CXCL13: variants seen among roughly 807,000 people sequenced by gnomAD.
CXCL13 encodes C-X-C motif chemokine ligand 13, also known as C-X-C motif chemokine 13.
Under a neutral mutation model 12.2 loss-of-function variants are expected in CXCL13, and 7 were observed. The observed-to-expected ratio is 0.57, with a 90% CI of 0.33 to 1.07. CXCL13 has a LOEUF of 1.07. Among genes scored for constraint, CXCL13 ranks in the 50% least tolerant of loss-of-function variants. CXCL13 has a pLI of 0.04. For synonymous variants in CXCL13, 47 were observed against 42.4 expected (o/e 1.11, Z -0.42); for missense variants, 113 against 127.4 (o/e 0.89, Z 0.55).
chr4:77,549,422 T>C (rs758977653), intron 1 of CXCL13, among the ~76,000 whole-genome samples: 1 of 152,180 alleles, frequency 6.6e-6, no homozygotes, highest in Non-Finnish European at 1.5e-5. Flanking sequence ...GGTGCTCTGG[T>C]TTTTAGAATT....
chr4:77,512,045 T>C (rs1316761441), intron 1 of CXCL13, among the ~76,000 whole-genome samples: 1 of 152,186 alleles, frequency 6.6e-6, no homozygotes, highest in East Asian at 1.9e-4. Context: ...GCCTTGGTTG[T>C]ATAGTCTGTT....
At chr4:77,513,898 G>C (rs975882804) in intron 1 of CXCL13, among the ~76,000 whole-genome samples, 3 of 151,238 alleles carry the variant, frequency 2.0e-5, no homozygotes, top group African/African-American at 7.3e-5. Flanking sequence ...CTGGTGTGCT[G>C]CAACCACTAA....
At chr4:77,588,329 A>C (rs1372667422) in intron 1 of CXCL13, among the ~76,000 whole-genome samples, 3 of 152,166 alleles carry the variant, frequency 2.0e-5, no homozygotes, top group Non-Finnish European at 4.4e-5. Context: ...AAGATAAACT[A>C]TGACTAGAAA....
chr4:77,554,127 A>T (rs1433615276), intron 1 of CXCL13, among the ~76,000 whole-genome samples: 1 of 152,186 alleles, frequency 6.6e-6, no homozygotes, highest in Admixed American at 6.5e-5. Flanking sequence ...AGATTTACTC[A>T]TGAAGTTATT....
chr4:77,551,499 T>G (rs1725520710), intron 1 of CXCL13, among the ~76,000 whole-genome samples: 1 of 152,226 alleles, frequency 6.6e-6, no homozygotes, highest in Non-Finnish European at 1.5e-5. Flanking sequence ...GCTGTTAGCC[T>G]TTGTACATGA....
At chr4:77,528,845 T>C (rs1724836242) in intron 1 of CXCL13, among the ~76,000 whole-genome samples, 1 of 152,248 alleles carries the variant, frequency 6.6e-6, no homozygotes, top group African/African-American at 2.4e-5. Context: ...AGACATGAAG[T>C]CCTTGCCCAT....
intron 1 of CXCL13, among the ~76,000 whole-genome samples, chr4:77,598,621 T>A (rs907253531): frequency 1.3e-5 from 2 of 152,168 alleles, no homozygotes; most frequent in Non-Finnish European, 2.9e-5. Flanking sequence ...AGATGCCTCA[T>A]GAGAGATGCT....
rs952452318 is a variant in CXCL13, at chr4:77,579,801, C to A, written c.-42-26023C>A. On this transcript the variant is annotated intron_variant, in intron 1 of 4. Transcript: ENST00000286758. Reference sequence around the variant, plus strand: ...AATCTCTTTAGTACAAGCAAATAACCCCAAATGTGTTAGCGCTAAGCACTC... The same window carrying A: ...AATCTCTTTAGTACAAGCAAATAACACCAAATGTGTTAGCGCTAAGCACTC... Among the ~76,000 whole-genome samples the A allele has an allele frequency of 7.2e-5, 11 of 152,064 alleles. 1 individual carries two copies. The highest frequency in any genetic ancestry group is 2.4e-4 in the African/African-American group (10 of 41,386).
At chr4:77,605,674 A>T, upstream of CXCL13, 1 of 404,826 alleles carries the variant, frequency 2.5e-6, no homozygotes, top group Non-Finnish European at 4.5e-6. Flanking sequence ...AAATTTATAA[A>T]GTTTGCAAGA....
intron 1 of CXCL13, among the ~76,000 whole-genome samples, chr4:77,571,170 G>A (rs1726069335): frequency 6.6e-6 from 1 of 151,992 alleles, no homozygotes. Flanking sequence ...CTAGCTCAGG[G>A]ATTGTAAACA....
At chr4:77,602,516 T>G (rs1200209925), upstream of CXCL13, among the ~76,000 whole-genome samples, 1 of 152,208 alleles carries the variant, frequency 6.6e-6, no homozygotes, top group Admixed American at 6.5e-5. Context: ...GATTCTACAT[T>G]TTAAACTAGC....
intron 2 of CXCL13, 61 bp from the exon 3 acceptor site, chr4:77,610,553 T>C (rs1727120525): frequency 7.9e-7 from 1 of 1,268,620 alleles, no homozygotes; most frequent in Non-Finnish European, 1.1e-6. Flanking sequence ...CTTTTCTTTA[T>C]TAAAAGTATA....
At chr4:77,533,823 C>T (rs1346224850) in intron 1 of CXCL13, among the ~76,000 whole-genome samples, 1 of 152,200 alleles carries the variant, frequency 6.6e-6, no homozygotes, top group Non-Finnish European at 1.5e-5. Context: ...GGGCATAGGA[C>T]CCTCTGAGCC....
At chr4:77,523,197 T>C (rs1164609636) in intron 1 of CXCL13, among the ~76,000 whole-genome samples, 2 of 152,196 alleles carry the variant, frequency 1.3e-5, no homozygotes, top group Non-Finnish European at 2.9e-5. Flanking sequence ...TTGGGGTTGC[T>C]TTTCTCAAGG....
chr4:77,547,569 T>G (rs1725398069), intron 1 of CXCL13, among the ~76,000 whole-genome samples: 1 of 152,156 alleles, frequency 6.6e-6, no homozygotes, highest in Non-Finnish European at 1.5e-5. Flanking sequence ...GCTTTTTTTT[T>G]GTTTTCCATT....
At chr4:77,569,345 T>A (rs906565771) in intron 1 of CXCL13, among the ~76,000 whole-genome samples, 1 of 152,204 alleles carries the variant, frequency 6.6e-6, no homozygotes, top group African/African-American at 2.4e-5. Flanking sequence ...GCAGATGACA[T>A]GATCCTATAC....
At chr4:77,566,852 G>A (rs944375334) in intron 1 of CXCL13, among the ~76,000 whole-genome samples, 6 of 152,270 alleles carry the variant, frequency 3.9e-5, no homozygotes, top group African/African-American at 9.6e-5. Flanking sequence ...CTTGAGTTAG[G>A]TTACAAATTA....
intron 1 of CXCL13, among the ~76,000 whole-genome samples, chr4:77,522,807 A>G (rs1474906607): frequency 1.3e-5 from 2 of 151,696 alleles, no homozygotes; most frequent in Admixed American, 1.3e-4. Flanking sequence ...CATAGCATCG[A>G]TGGTCTTTAC....
intron 1 of CXCL13, among the ~76,000 whole-genome samples, chr4:77,542,977 G>A (rs1382099405): frequency 6.6e-6 from 1 of 152,022 alleles, no homozygotes; most frequent in Non-Finnish European, 1.5e-5. Context: ...ATTTGGCCAT[G>A]GACCCATTTG....
Sources: allele counts gnomAD v4.1 joint callset (sites outside exome capture counted in the v4.1 genomes callset), GRCh38; gene constraint gnomAD v4.1.1; transcripts MANE v1.5; gene names NCBI Gene and HGNC (gene_info 2026-07-23, HGNC 2026-07-21).